Variants in MEGF6 observed in about 807,000 individuals in gnomAD.
MEGF6 encodes the protein multiple epidermal growth factor-like domains protein 6.
In MEGF6, 184 loss-of-function variants were observed where a neutral mutation model predicts 207.1. That is an observed-to-expected ratio of 0.89 (90% CI 0.79 to 1.00). MEGF6 has a LOEUF of 1.00. Among genes scored for constraint, MEGF6 ranks in the 50% least tolerant of loss-of-function variants. The pLI, the probability that MEGF6 is intolerant of heterozygous loss-of-function variation, is 0.00. For synonymous variants in MEGF6, 1,038 were observed against 910.0 expected (o/e 1.14, Z -2.53); for missense variants, 2,282 against 2,202.9 (o/e 1.04, Z -0.72).
At chr1:3,572,756 T>A (rs1482479714) in intron 4 of MEGF6, among the ~76,000 whole-genome samples, 1 of 146,892 alleles carries the variant, frequency 6.8e-6, no homozygotes, top group Non-Finnish European at 1.5e-5. Context: ...CCTTCCTGTG[T>A]GTGCTGGGTT....
intron 4 of MEGF6, among the ~76,000 whole-genome samples, chr1:3,558,269 C>A (rs1643093612): frequency 1.3e-5 from 2 of 152,324 alleles, no homozygotes; most frequent in South Asian, 4.1e-4. Context: ...TCCTCTCTCT[C>A]CCACTCCACC....
chr1:3,579,332 C>G (rs752855527), intron 4 of MEGF6, among the ~76,000 whole-genome samples: 4 of 152,244 alleles, frequency 2.6e-5, no homozygotes, highest in Non-Finnish European at 5.9e-5. Context: ...TCTCCTTCGC[C>G]ACCAGCTCCT....
At chr1:3,586,886 C>T (rs750739362) in intron 3 of MEGF6, among the ~76,000 whole-genome samples, 9 of 152,204 alleles carry the variant, frequency 5.9e-5, no homozygotes, top group Admixed American at 1.3e-4. Context: ...CAGGCCTCAC[C>T]CTGGCACCCC....
intron 4 of MEGF6, among the ~76,000 whole-genome samples, chr1:3,557,923 G>A (rs994360961): frequency 1.3e-5 from 2 of 152,188 alleles, no homozygotes; most frequent in African/African-American, 4.8e-5. Context: ...AACAAACATC[G>A]AAAGCTCAGC....
intron 35 of MEGF6, among the ~76,000 whole-genome samples, chr1:3,491,281 G>A (rs1465496311): frequency 6.6e-6 from 1 of 152,124 alleles, no homozygotes; most frequent in Non-Finnish European, 1.5e-5. Flanking sequence ...GCAACACACT[G>A]CCCATGGGGC....
At chr1:3,579,408 C>G (rs111749967) in intron 4 of MEGF6, among the ~76,000 whole-genome samples, 2,462 of 152,300 alleles carry the variant, frequency 0.016, 59 homozygotes, top group African/African-American at 0.054. Context: ...GTTACTCAAC[C>G]AGTCGCCTTG....
At chr1:3,608,148 A>G (rs115176445) in intron 1 of MEGF6, among the ~76,000 whole-genome samples, 1 of 152,004 alleles carries the variant, frequency 6.6e-6, no homozygotes. Context: ...TCCTCTGCTT[A>G]TGCTTCCCAG....
chr1:3,493,242 A>G, intron 34 of MEGF6: 1 of 215,110 alleles, frequency 4.6e-6, no homozygotes. Context: ...TCCTATCCTC[A>G]GGTGAGCCCC....
Position 3,488,217 on chromosome 1 carries a change from A to G in MEGF6, c.*2311T>C, listed in dbSNP as rs1640217753. ...ATTAGGATCTGTGAGCGTGTTTTCT[A>G]GTTATTCTGCTTTATTTTCCTCTGC... On this transcript the variant is annotated 3_prime_UTR_variant, in exon 37 of 37. Transcript: ENST00000356575. 6.6e-6 allele frequency among the ~76,000 whole-genome samples: 1 copy of G among 152,132 alleles called. No individual in the cohort carries two copies. The highest frequency in any genetic ancestry group is 2.4e-5 in the African/African-American group (1 of 41,420).
chr1:3,542,829 C>T (rs971216119), intron 4 of MEGF6, among the ~76,000 whole-genome samples: 2 of 152,150 alleles, frequency 1.3e-5, no homozygotes, highest in African/African-American at 4.8e-5. Context: ...TGGTGGCATC[C>T]TCAAAGTGGC....
At chr1:3,543,894 G>A (rs1438915813) in intron 4 of MEGF6, among the ~76,000 whole-genome samples, 1 of 152,178 alleles carries the variant, frequency 6.6e-6, no homozygotes, top group African/African-American at 2.4e-5. Flanking sequence ...ACCACCTGCC[G>A]TGCCTGGACG....
intron 17 of MEGF6, 60 bp from the exon 18 acceptor site, chr1:3,501,981 T>G: frequency 3.7e-6 from 4 of 1,087,638 alleles, no homozygotes; most frequent in South Asian, 1.9e-5. Flanking sequence ...GACCAGAGCC[T>G]TTCCCCCAGG....
rs574492602 is a variant in MEGF6 at position 3,595,485 on chromosome 1, G to A, written c.267-38C>T. The A allele has an allele frequency of 2.4e-5, 38 of 1,552,670 alleles. 1 individual carries two copies. Among genetic ancestry groups the A allele is most frequent in the South Asian group, 1.3e-4 (12 of 89,928 alleles). ...AGAGAAGGGAAGTGCTTACCGTCGCGGGACTGGCTGTATTCGGCTCTCACT... is the reference window on the plus strand; with the variant it reads ...AGAGAAGGGAAGTGCTTACCGTCGCAGGACTGGCTGTATTCGGCTCTCACT... On this transcript the variant is annotated intron_variant, in intron 2 of 36. Transcript: ENST00000356575.
intron 4 of MEGF6, among the ~76,000 whole-genome samples, chr1:3,551,106 T>C (rs1219422545): frequency 6.6e-6 from 1 of 152,126 alleles, no homozygotes; most frequent in Non-Finnish European, 1.5e-5. Context: ...GATGCCAGCC[T>C]CCTGGCCTAT....
intron 18 of MEGF6, 142 bp from the exon 19 acceptor site, chr1:3,501,450 G>A: frequency 3.1e-6 from 4 of 1,280,556 alleles, no homozygotes; most frequent in Admixed American, 2.4e-5. Context: ...GGAGGGGAGA[G>A]GACCCGGGCA....
At chr1:3,542,443 G>T (rs1301818146) in intron 4 of MEGF6, among the ~76,000 whole-genome samples, 1 of 152,140 alleles carries the variant, frequency 6.6e-6, no homozygotes, top group South Asian at 2.1e-4. Context: ...CCTGCCAGGG[G>T]TCCCCAGGCC....
the MEGF6 span, among the ~76,000 whole-genome samples, chr1:3,617,582 T>G: frequency 6.6e-6 from 1 of 152,050 alleles, no homozygotes; most frequent in Non-Finnish European, 1.5e-5. Context: ...CGGCACACAT[T>G]TACCTGTGTC....
At position 3,602,593 on chromosome 1, in the gene MEGF6, CG is replaced by C. The variant is rs1557427508; in HGVS notation, c.138del (p.His46GlnfsTer8). On this transcript the variant is annotated frameshift_variant, in exon 2 of 37. Transcript: ENST00000356575. LOFTEE classifies it high-confidence loss of function. ...AGGGTCAGCTCCTGCTCAGCACACA[CG>C]TGGGGCCTGGAACAGAGACACGGAG... ...PLLPLQPGMP[H>X]VCAEQELTLV... is the part of the protein sequence containing the mutation. The C allele has an allele frequency of 6.2e-7, 1 of 1,608,862 alleles. No individual in the cohort carries two copies. Among genetic ancestry groups the C allele is most frequent in the Admixed American group, 1.7e-5 (1 of 59,674 alleles).
In MEGF6 at chr1:3,499,153, G is replaced by A. The variant is rs1483623524; in HGVS notation, c.3079C>T (p.Pro1027Ser). Residue 1027 changes from proline to serine, a missense_variant, in exon 24 of 37, where the codon CCC becomes TCC. By Grantham distance (74) the Pro-to-Ser change is moderately conservative. Transcript: ENST00000356575. ...QCHCAPGWMG[P>S]SCLQACPAGL... ...TGTGGCTTACCCTGCAGGCAGGAGG[G>A]CCCCATCCAGCCAGGGGCACAGTGG... The A allele has an allele frequency of 1.2e-6, 2 of 1,603,752 alleles. No homozygotes were observed. Among genetic ancestry groups the A allele is most frequent in the Admixed American group, 1.7e-5 (1 of 58,840 alleles).
Sources: gnomAD v4.1 joint callset for allele counts (sites outside exome capture counted in the v4.1 genomes callset) on GRCh38, gnomAD v4.1.1 for gene constraint, MANE v1.5 for transcripts, NCBI Gene and HGNC (gene_info 2026-07-23, HGNC 2026-07-21) for gene names.